The following MXRA5 variants were observed in gnomAD, a reference collection of about 807,000 sequenced individuals.
MXRA5 encodes matrix-remodeling-associated protein 5.
In MXRA5, 41 loss-of-function variants were observed where a neutral mutation model predicts 112.5. That is an observed-to-expected ratio of 0.36 (90% CI 0.28 to 0.47). The LOEUF is 0.47. Among genes scored for constraint, MXRA5 ranks in the 20% least tolerant of loss-of-function variants. The pLI, the probability that MXRA5 is intolerant of heterozygous loss-of-function variation, is 0.99. For synonymous variants in MXRA5, 862 were observed against 900.8 expected (o/e 0.96, Z 0.77); for missense variants, 2,150 against 2,251.0 (o/e 0.96, Z 0.91).
At position 3,309,988 on chromosome X, in the gene MXRA5, G is replaced by A. The variant is rs756029305; in HGVS notation, c.8215C>T (p.Pro2739Ser). 62 of 1,206,983 alleles carry A rather than the reference G, an allele frequency of 5.1e-5. No homozygotes were observed. The highest frequency in any genetic ancestry group is 5.1e-5 in the Non-Finnish European group (46 of 894,100). The part of the protein sequence containing the change: ...IAYPPRITSE[P>S]TPVIYTRPGN... ...GGCCGGGTGTAGATGACCGGGGTGG[G>A]CTCGCTGGTGATCCGGGGAGGATAG... The change falls in exon 7 of 7, where the codon CCC (proline) becomes TCC (serine). Residue 2739 changes from proline to serine, a missense_variant. Physicochemically the swap from Pro to Ser is moderately conservative, Grantham distance 74. This residue lies in a region of MXRA5 where 178 missense variants were observed against 198.2 expected (regional missense o/e 0.90). Transcript: ENST00000217939.
chrX:3,344,218 A>T (rs754230112), intron 1 of MXRA5, among the ~76,000 whole-genome samples: 57 of 111,452 alleles, frequency 5.1e-4, no homozygotes, highest in African/African-American at 1.8e-3. Context: ...ATCCATAATT[A>T]AAAAATAATA....
chrX:3,317,572 C>A lies in MXRA5; in HGVS notation c.6109G>T (p.Ala2037Ser). Residue 2037 changes from alanine (A) to serine (S), a missense_variant, in exon 6 of 7, where the codon GCC becomes TCC. By Grantham distance (99) the Ala-to-Ser change is moderately conservative. Around this residue, in one of 6 missense-constraint regions of MXRA5, gnomAD observed 1,485 missense variants for 1,471.6 expected, o/e 1.01. Transcript: ENST00000217939. ...ASNAAGADSLAIRLHVAALPP... is the reference protein window; with the variant it reads ...ASNAAGADSLSIRLHVAALPP... ...AGTGCCGCCACGTGCAGGCGGATGG[C>A]CAGGCTGTCCGCCCCGGCTGCATTG... The A allele has an allele frequency of 8.3e-7, 1 of 1,210,307 alleles. No individual in the cohort carries two copies. The highest frequency in any genetic ancestry group is 1.1e-6 in the Non-Finnish European group (1 of 895,085).
At chrX:3,331,789 C>A (rs1921669775) in intron 2 of MXRA5, among the ~76,000 whole-genome samples, 1 of 111,891 alleles carries the variant, frequency 8.9e-6, no homozygotes, top group South Asian at 3.7e-4. Flanking sequence ...TTAGAAATTT[C>A]TCATTGCCAT....
intron 2 of MXRA5, among the ~76,000 whole-genome samples, chrX:3,341,238 A>G (rs1181699344): frequency 2.0e-5 from 1 of 49,469 alleles, no homozygotes; most frequent in Non-Finnish European, 3.4e-5. Flanking sequence ...ATATAATTAT[A>G]TAATTATATA....
chrX:3,342,642 ATCT>A (rs1922017130), intron 2 of MXRA5, among the ~76,000 whole-genome samples: 2 of 111,748 alleles, frequency 1.8e-5, no homozygotes, highest in Non-Finnish European at 3.8e-5. Context: ...GGAAATTATC[ATCT>A]TATTCCCTCA....
In MXRA5 at chrX:3,320,239, T is replaced by G. The variant is rs755864465; in HGVS notation, c.5446A>C (p.Ile1816Leu). 13 of 1,210,766 alleles carry G rather than the reference T, an allele frequency of 1.1e-5. No individual in the cohort carries two copies. The South Asian group carries it at 2.1e-4, about 20-fold the overall frequency. ...TGGACAGAAGATGTTATAAAGGAGA[T>G]AGAACTCTGGGTGGAAGAGACCATA... ...IPMVSSTQSS[I>L]SFITSSVQSS... Residue 1816 changes from isoleucine (I) to leucine (L), a missense_variant, in exon 5 of 7, where the codon ATC (isoleucine) becomes CTC (leucine). Ile to Leu is a conservative substitution (Grantham distance 5). Around this residue, in one of 6 missense-constraint regions of MXRA5, gnomAD observed 1,485 missense variants for 1,471.6 expected, o/e 1.01. Coordinates refer to ENST00000217939, the MANE Select transcript of MXRA5 (RefSeq NM_015419.4).
chrX:3,330,659 G>C lies in MXRA5; in HGVS notation c.303C>G (p.Asp101Glu), dbSNP rs1921642405. The change falls in exon 3 of 7, where the codon GAC becomes GAG. Residue 101 changes from aspartate (D) to glutamate (E), a missense_variant. Asp to Glu is a conservative substitution (Grantham distance 45). Around this residue, in one of 6 missense-constraint regions of MXRA5, gnomAD observed 386 missense variants for 411.0 expected, o/e 0.94. Transcript: ENST00000217939. ...GTGGGTTTACCTGAAGAGAGCTGAG[G>C]TCTCTTAAAGCTCCATCGGGGATGC... is the stretch of plus-strand genomic sequence containing the variant. ...IPSIPDGALR[D>E]LSSLQVFKFS... is the part of the protein sequence containing the mutation. The C allele has an allele frequency of 8.3e-7, 1 of 1,208,159 alleles. No individual in the cohort carries two copies. Among genetic ancestry groups the C allele is most frequent in the African/African-American group, 1.7e-5 (1 of 57,486 alleles).
In MXRA5 at chrX:3,343,655, A is replaced by T; in HGVS notation, c.179T>A (p.Ile60Asn). ...AGAAAGTGGTACAAACCCCAAATTG[A>T]TTCTTTCCACGTGTTTAGCAATGCC... ...PAGIAKHVERINLGFNSIQAL... is the reference protein window; with the variant it reads ...PAGIAKHVERNNLGFNSIQAL... Residue 60 changes from isoleucine to asparagine, a missense_variant, in exon 2 of 7, where the codon ATC becomes AAC. Physicochemically the swap from Ile to Asn is moderately radical, Grantham distance 149 (BLOSUM62 -3). This residue lies in a region of MXRA5 where 386 missense variants were observed against 411.0 expected (regional missense o/e 0.94). Coordinates refer to ENST00000217939, the MANE Select transcript of MXRA5 (RefSeq NM_015419.4). The T allele has an allele frequency of 8.3e-7, 1 of 1,210,744 alleles. No individual in the cohort carries two copies. Among genetic ancestry groups the T allele is most frequent in the Non-Finnish European group, 1.1e-6 (1 of 894,771 alleles).
chrX:3,317,165 C>T lies in MXRA5; in HGVS notation c.6516G>A (p.Gly2172=), dbSNP rs1422244654. Residue 2172 remains glycine (G), a synonymous_variant, in exon 6 of 7, where the codon GGG becomes GGA. Coordinates refer to ENST00000217939, the MANE Select transcript of MXRA5 (RefSeq NM_015419.4). ...TCCAGAGGATGCGCGGCCAGGGGTCCCCCGAGGCGCTGCAGTCCAGCTTGA... is the reference window on the plus strand; with the variant it reads ...TCCAGAGGATGCGCGGCCAGGGGTCTCCCGAGGCGCTGCAGTCCAGCTTGA... ...GTLKLDCSAS[G]DPWPRILWRL... is the part of the protein sequence containing the mutation. 2 of 1,204,238 alleles carry T rather than the reference C, an allele frequency of 1.7e-6. No homozygotes were observed. The highest frequency in any genetic ancestry group is 2.2e-6 in the Non-Finnish European group (2 of 891,957).
chrX:3,319,505 A>T (rs1381384159), intron 5 of MXRA5, among the ~76,000 whole-genome samples: 2 of 112,913 alleles, frequency 1.8e-5, no homozygotes, highest in Admixed American at 1.9e-4. Flanking sequence ...CCAGGCTTGC[A>T]GTGGCCAGCC....
chrX:3,311,539 C>T lies in MXRA5; in HGVS notation c.6664G>A (p.Val2222Ile), dbSNP rs139558728. The T allele has an allele frequency of 1.9e-4, 233 of 1,210,399 alleles. No individual in the cohort carries two copies. The highest frequency in any genetic ancestry group is 3.3e-4 in the Admixed American group (15 of 45,897). ...TCATCACCAACCTTATTTCGAGCTA[C>T]GCACAGGTAATCTCCGGCATCTTTG... Reference protein sequence around the residue: ...TDKDAGDYLCVARNKVGDDYV... With the variant: ...TDKDAGDYLCIARNKVGDDYV... The change falls in exon 7 of 7, where the codon GTA (valine) becomes ATA (isoleucine). Residue 2222 changes from valine to isoleucine, a missense_variant. By Grantham distance (29) the Val-to-Ile change is conservative. Transcript: ENST00000217939.
At chrX:3,328,435 C>T (rs937547792) in intron 4 of MXRA5, among the ~76,000 whole-genome samples, 1 of 111,767 alleles carries the variant, frequency 8.9e-6, no homozygotes, top group Non-Finnish European at 1.9e-5. Context: ...TGTGTGGAGA[C>T]TTCTTGGAGG....
At chrX:3,329,958 C>T (rs1303959145) in intron 4 of MXRA5, 60 bp downstream of exon 4, 4 of 1,119,129 alleles carry the variant, frequency 3.6e-6, no homozygotes, top group Non-Finnish European at 3.6e-6. Flanking sequence ...GAGAATGGAA[C>T]GTCTCCAAAA....
chrX:3,337,582 T>C (rs1281316801), intron 2 of MXRA5, among the ~76,000 whole-genome samples: 1 of 112,092 alleles, frequency 8.9e-6, no homozygotes, highest in Non-Finnish European at 1.9e-5. Context: ...CTATCAAGCA[T>C]CTATCTGTTA....
intron 2 of MXRA5, among the ~76,000 whole-genome samples, chrX:3,333,471 A>G (rs1276539536): frequency 3.1e-4 from 34 of 110,661 alleles, no homozygotes; most frequent in African/African-American, 1.1e-3. Context: ...CAAGATGGGA[A>G]CTTAAATATT....
chrX:3,319,038 G>C lies in MXRA5; in HGVS notation c.5677+970C>G, dbSNP rs150035330. Among the ~76,000 whole-genome samples the C allele has an allele frequency of 1.5e-3, 172 of 111,358 alleles. 3 individuals carry two copies. The highest frequency in any genetic ancestry group is 5.4e-3 in the African/African-American group (164 of 30,619). On this transcript the variant is annotated intron_variant, in intron 5 of 6. Coordinates refer to ENST00000217939, the MANE Select transcript of MXRA5 (RefSeq NM_015419.4). ...CTCATAGAAGCTGAAGCAGATAGTG[G>C]AATGGTGGTTACCAGGGGCTGGGGA...
intron 6 of MXRA5, among the ~76,000 whole-genome samples, chrX:3,312,953 T>A (rs1215570978): frequency 3.6e-5 from 4 of 112,344 alleles, no homozygotes; most frequent in Non-Finnish European, 7.5e-5. Context: ...TTCAACCTAA[T>A]CATTGTAATA....
At chrX:3,333,919 G>A (rs1921726852) in intron 2 of MXRA5, among the ~76,000 whole-genome samples, 1 of 111,405 alleles carries the variant, frequency 9.0e-6, no homozygotes, top group Admixed American at 9.5e-5. Flanking sequence ...AAGCTGGGTG[G>A]GGAAAGGAGG....
intron 1 of MXRA5, among the ~76,000 whole-genome samples, chrX:3,344,314 C>T (rs191024493): frequency 3.6e-5 from 4 of 111,983 alleles, no homozygotes; most frequent in African/African-American, 1.3e-4. Context: ...AGTGTTTATT[C>T]GTATTCTTTC....
Sources: gnomAD v4.1 joint callset for allele counts (sites outside exome capture counted in the v4.1 genomes callset) on GRCh38, gnomAD v4.1.1 for gene constraint, gnomAD v4.1.1 regional missense constraint, MANE v1.5 for transcripts, NCBI Gene and HGNC (gene_info 2026-07-23, HGNC 2026-07-21) for gene names.